DYNC2H1: variants seen among roughly 807,000 people sequenced by gnomAD.
DYNC2H1 encodes the protein dynein cytoplasmic 2 heavy chain 1.
In DYNC2H1, 410 loss-of-function variants were observed where a neutral mutation model predicts 570.0. That is an observed-to-expected ratio of 0.72 (90% CI 0.66 to 0.78). The LOEUF (loss-of-function observed/expected upper bound fraction) is 0.78. Among genes scored for constraint, DYNC2H1 ranks in the 30% least tolerant of loss-of-function variants. The pLI is 0.00. For synonymous variants in DYNC2H1, 1,688 were observed against 1,677.6 expected (o/e 1.01, Z -0.15); for missense variants, 4,865 against 5,046.4 (o/e 0.96, Z 1.09).
At chr11:103,477,009 G>A (rs1945573273) in intron 88 of DYNC2H1, among the ~76,000 whole-genome samples, 1 of 151,984 alleles carries the variant, frequency 6.6e-6, no homozygotes, top group Admixed American at 6.5e-5. Flanking sequence ...ACTTATATCT[G>A]GAGCTCTTTA....
chr11:103,416,098 A>G (rs2943218), intron 84 of DYNC2H1, among the ~76,000 whole-genome samples: 47,967 of 152,040 alleles, frequency 0.32, 7,604 homozygotes, highest in African/African-American at 0.35. Context: ...GGAATTGAAC[A>G]TTGAAATCAC....
intron 87 of DYNC2H1, among the ~76,000 whole-genome samples, chr11:103,464,660 T>C (rs1945135537): frequency 6.6e-6 from 1 of 152,106 alleles, no homozygotes; most frequent in South Asian, 2.1e-4. Flanking sequence ...GACAGTAAAA[T>C]AATATATTCA....
In DYNC2H1 at chr11:103,395,270, T is replaced by C. The variant is rs554803443; in HGVS notation, c.12157-4393T>C. On this transcript the variant is annotated intron_variant, in intron 83 of 88. Coordinates refer to ENST00000375735, the MANE Select transcript of DYNC2H1 (RefSeq NM_001377.3). This position sits in a 1 kb window ranked among gnomAD's most constrained non-coding sequence, Gnocchi z 4.3. ...GATTGAAAAGGTGTTAAAATGTTTT[T>C]TTCATAGCTTGTTTCAAGAAACTTG... Among the ~76,000 whole-genome samples, 21 of 152,216 alleles carry C rather than the reference T, an allele frequency of 1.4e-4. 1 individual carries two copies. Among genetic ancestry groups the C allele is most frequent in the Admixed American group, 1.2e-3 (18 of 15,284 alleles).
intron 82 of DYNC2H1, among the ~76,000 whole-genome samples, chr11:103,328,404 C>T (rs1486543926): frequency 6.6e-6 from 1 of 151,972 alleles, no homozygotes; most frequent in African/African-American, 2.4e-5. Flanking sequence ...TTTTTTCATT[C>T]CAAGCCACAT....
intron 83 of DYNC2H1, among the ~76,000 whole-genome samples, chr11:103,380,889 G>A (rs1388236196): frequency 2.0e-5 from 3 of 152,140 alleles, no homozygotes; most frequent in African/African-American, 4.8e-5. Context: ...AAAAAAGGTG[G>A]AATGGTATAC....
chr11:103,395,774 T>G lies in DYNC2H1; in HGVS notation c.12157-3889T>G, dbSNP rs1942373776. Among the ~76,000 whole-genome samples, 1 of 152,152 alleles carries G rather than the reference T, an allele frequency of 6.6e-6. No individual in the cohort carries two copies. The highest frequency in any genetic ancestry group is 2.1e-4 in the South Asian group (1 of 4,828). ...GCCCCAATTCAAGTTGCAAATTAAT[T>G]TGTGGAACTGAGTTGAATCAACTCT... On this transcript the variant is annotated intron_variant, in intron 83 of 88. Transcript: ENST00000375735. The surrounding 1 kb of genome is among the most constrained non-coding windows in gnomAD (Gnocchi z 4.3).
intron 82 of DYNC2H1, among the ~76,000 whole-genome samples, chr11:103,342,332 A>G (rs1246938342): frequency 3.3e-5 from 5 of 152,080 alleles, no homozygotes. Flanking sequence ...ACCAATCAGC[A>G]CTCTGTAAAA....
At chr11:103,449,287 T>G (rs1193436011) in intron 85 of DYNC2H1, among the ~76,000 whole-genome samples, 1 of 152,214 alleles carries the variant, frequency 6.6e-6, no homozygotes, top group African/African-American at 2.4e-5. Context: ...ATGCAGGCGT[T>G]GTCTGCTATC....
rs117460547 is a variant in DYNC2H1, at chr11:103,418,520, G to T, written c.12367-17423G>T. On this transcript the variant is annotated intron_variant, in intron 84 of 88. Coordinates refer to ENST00000375735, the MANE Select transcript of DYNC2H1 (RefSeq NM_001377.3). ...CATTGAAAGATGTACTGTGCTTGTGGATCAAGAGACCTAGTGTTAAAATGT... is the reference window on the plus strand; with the variant it reads ...CATTGAAAGATGTACTGTGCTTGTGTATCAAGAGACCTAGTGTTAAAATGT... 7.2e-3 allele frequency among the ~76,000 whole-genome samples: 1,104 copies of T among 152,320 alleles called. 14 individuals carry two copies. Among genetic ancestry groups the T allele is most frequent in the Admixed American group, 0.012 (186 of 15,302 alleles).
Position 103,219,873 on chromosome 11 carries a change from A to G in DYNC2H1, c.8833-42A>G, listed in dbSNP as rs1191665249. ...TTGGATTTCATGCTTTTAAATATCAAGCATTAAAATTGATTGGAATGCCAC... is the reference window on the plus strand; with the variant it reads ...TTGGATTTCATGCTTTTAAATATCAGGCATTAAAATTGATTGGAATGCCAC... On this transcript the variant is annotated intron_variant, in intron 55 of 88. Coordinates refer to ENST00000375735, the MANE Select transcript of DYNC2H1 (RefSeq NM_001377.3). The G allele has an allele frequency of 3.6e-6, 4 of 1,099,198 alleles. No individual in the cohort carries two copies. The East Asian group carries it at 1.2e-4, about 32-fold the overall frequency. The allele number at this position is 1,099,198 out of a possible 1,614,324, so 68.1% of individuals were successfully genotyped here.
intron 4 of DYNC2H1, among the ~76,000 whole-genome samples, chr11:103,115,883 C>T (rs1395198794): frequency 6.6e-6 from 1 of 152,132 alleles, no homozygotes; most frequent in Non-Finnish European, 1.5e-5. Context: ...ACAGGTAATA[C>T]GTTCTTTTGA....
chr11:103,127,580 T>C (rs972085867), intron 12 of DYNC2H1, among the ~76,000 whole-genome samples: 9 of 152,198 alleles, frequency 5.9e-5, no homozygotes, highest in African/African-American at 1.9e-4. Flanking sequence ...TTTTAAAGCA[T>C]CTACTATGTG....
At chr11:103,113,432 C>T in intron 1 of DYNC2H1, 105 bp from the exon 2 acceptor site, 1 of 835,078 alleles carries the variant, frequency 1.2e-6, no homozygotes. Flanking sequence ...TTTAAAGTAA[C>T]TATTTTTTTC....
rs181077348 is a variant in DYNC2H1 at position 103,198,071 on chromosome 11, A to G, written c.7839+8A>G. Reference sequence around the variant, plus strand: ...AAGGATGTTATTAAAAAGGTATAATATGAATCATTAATTGGAACTGGGATT... The same window carrying G: ...AAGGATGTTATTAAAAAGGTATAATGTGAATCATTAATTGGAACTGGGATT... On this transcript the variant is annotated splice_region_variant and intron_variant, in intron 48 of 88. Coordinates refer to ENST00000375735, the MANE Select transcript of DYNC2H1 (RefSeq NM_001377.3). 8 of 1,550,400 alleles carry G rather than the reference A, an allele frequency of 5.2e-6. No individual in the cohort carries two copies. Among genetic ancestry groups the G allele is most frequent in the Admixed American group, 3.9e-5 (2 of 50,902 alleles).
intron 5 of DYNC2H1, among the ~76,000 whole-genome samples, chr11:103,116,916 A>G (rs939987057): frequency 1.3e-4 from 19 of 151,884 alleles, no homozygotes; most frequent in Admixed American, 7.2e-4. Flanking sequence ...AACCATTGAT[A>G]TAACCAAATT....
chr11:103,204,653 T>C lies in DYNC2H1; in HGVS notation c.8312-169T>C, dbSNP rs1862854103. 6.6e-6 allele frequency among the ~76,000 whole-genome samples: 1 copy of C among 152,090 alleles called. No individual in the cohort carries two copies. The highest frequency in any genetic ancestry group is 6.6e-5 in the Admixed American group (1 of 15,262). On this transcript the variant is annotated intron_variant, in intron 51 of 88. Transcript: ENST00000375735. The surrounding 1 kb of genome is among the most constrained non-coding windows in gnomAD (Gnocchi z 4.1). Reference sequence around the variant, plus strand: ...TTTTCTTAACATGCACATACACAAATTTATAAGTGTTCTTTTAACTAAAAT... The same window carrying C: ...TTTTCTTAACATGCACATACACAAACTTATAAGTGTTCTTTTAACTAAAAT...
chr11:103,331,238 G>A (rs1206453373), intron 82 of DYNC2H1, among the ~76,000 whole-genome samples: 2 of 152,232 alleles, frequency 1.3e-5, no homozygotes, highest in African/African-American at 4.8e-5. Context: ...TCAAGGCCAA[G>A]TGTAGGCTGC....
intron 85 of DYNC2H1, among the ~76,000 whole-genome samples, chr11:103,440,656 C>T (rs1451989187): frequency 6.6e-6 from 1 of 152,040 alleles, no homozygotes; most frequent in Non-Finnish European, 1.5e-5. Flanking sequence ...ACTAAATAAG[C>T]AATAACAACA....
chr11:103,221,869 A>T (rs1004725998), intron 57 of DYNC2H1, among the ~76,000 whole-genome samples, 161 bp from the exon 58 acceptor site: 2 of 152,148 alleles, frequency 1.3e-5, no homozygotes, highest in African/African-American at 4.8e-5. Context: ...TCAAACAAAC[A>T]AAAATAAGGA....
Sources: allele counts gnomAD v4.1 joint callset (sites outside exome capture counted in the v4.1 genomes callset), GRCh38; gene constraint gnomAD v4.1.1; non-coding constraint Gnocchi (gnomAD v3.1); transcripts MANE v1.5; gene names NCBI Gene and HGNC (gene_info 2026-07-23, HGNC 2026-07-21).